The following NKD1 variants were observed in gnomAD, a reference collection of about 807,000 sequenced individuals.
NKD1 encodes the protein protein naked cuticle homolog 1.
Under a neutral mutation model 56.0 loss-of-function variants are expected in NKD1, and 21 were observed. The observed-to-expected ratio is 0.38, with a 90% CI of 0.27 to 0.54. The LOEUF (loss-of-function observed/expected upper bound fraction) is 0.54. NKD1 is among the 20% of genes least tolerant of loss of function. NKD1 has a pLI of 0.82. For missense variants in NKD1, 578 were observed against 642.7 expected, an observed-to-expected ratio of 0.90 and a Z score of 1.09; for synonymous variants, 263 against 265.7, an observed-to-expected ratio of 0.99 and a Z score of 0.10.
intron 3 of NKD1, among the ~76,000 whole-genome samples, chr16:50,596,886 G>A (rs531812610): frequency 4.6e-5 from 7 of 152,334 alleles, no homozygotes; most frequent in Non-Finnish European, 7.3e-5. Context: ...AGAGTCTTCC[G>A]GGTAGAGGGA....
intron 3 of NKD1, among the ~76,000 whole-genome samples, chr16:50,588,325 C>G (rs920693080): frequency 6.6e-6 from 1 of 152,240 alleles, no homozygotes; most frequent in African/African-American, 2.4e-5. Flanking sequence ...GTCACATACC[C>G]TAACAGCAGG....
At chr16:50,564,779 G>T (rs548934503) in intron 3 of NKD1, among the ~76,000 whole-genome samples, 1 of 152,120 alleles carries the variant, frequency 6.6e-6, no homozygotes, top group South Asian at 2.1e-4. Flanking sequence ...CTTCAGAAAG[G>T]GTCCTCACCT....
intron 4 of NKD1, among the ~76,000 whole-genome samples, chr16:50,612,777 T>C (rs1190341399): frequency 6.6e-6 from 1 of 152,046 alleles, no homozygotes; most frequent in African/African-American, 2.4e-5. Flanking sequence ...GCATCAGGAA[T>C]GAGAGTGGGG....
At chr16:50,625,249 G>A (rs1962183016) in intron 5 of NKD1, 1 of 563,436 alleles carries the variant, frequency 1.8e-6, no homozygotes, top group East Asian at 3.0e-5. Flanking sequence ...AAGACCCACA[G>A]ACCACCAGGC....
At position 50,648,594 on chromosome 16, in the gene NKD1, G is replaced by A. The variant is rs1416022692; in HGVS notation, c.*14813G>A. Reference sequence around the variant, plus strand: ...AACACCCTCTGCCCTTGGATTCTGTGCACAGGAAGCTAGTTGCTCCCCTGA... The same window carrying A: ...AACACCCTCTGCCCTTGGATTCTGTACACAGGAAGCTAGTTGCTCCCCTGA... On this transcript the variant is annotated 3_prime_UTR_variant, in exon 10 of 10. Coordinates refer to ENST00000268459, the MANE Select transcript of NKD1 (RefSeq NM_033119.5). 6.6e-6 allele frequency: 1 copy of A among 152,138 alleles called. No homozygotes were observed. Among genetic ancestry groups the A allele is most frequent in the Non-Finnish European group, 1.5e-5 (1 of 68,028 alleles). 9.4% of individuals were successfully genotyped at this position (152,138 alleles called of 1,614,324 possible). A position where few individuals can be genotyped will look rare whatever the true frequency, so the allele number is the denominator to read the frequency against.
At position 50,633,399 on chromosome 16, in the gene NKD1, A is replaced by C. The variant is rs1231129678; in HGVS notation, c.1031A>C (p.His344Pro). 4 of 1,613,680 alleles carry C rather than the reference A, an allele frequency of 2.5e-6. No homozygotes were observed. In the African/African-American group the frequency reaches 4.0e-5, roughly 16 times the overall value. The stretch of plus-strand genomic sequence containing the variant: ...CGGGGCACCCAGGACGGGAGCAAGC[A>C]CTTTGTGAGGTCCCCCAAGGCCCAG... Reference protein sequence around the residue: ...RLRGTQDGSKHFVRSPKAQGK... With the variant: ...RLRGTQDGSKPFVRSPKAQGK... The change falls in exon 10 of 10, where the codon CAC (histidine) becomes CCC (proline). Residue 344 changes from histidine to proline, a missense_variant. Transcript: ENST00000268459. The surrounding 1 kb of genome is among the most constrained non-coding windows in gnomAD (Gnocchi z 4.9).
At chr16:50,564,189 A>G (rs566340499) in intron 3 of NKD1, among the ~76,000 whole-genome samples, 1 of 152,258 alleles carries the variant, frequency 6.6e-6, no homozygotes, top group Non-Finnish European at 1.5e-5. Context: ...AGCCATGGCC[A>G]TGGTGGGGAA....
chr16:50,564,329 G>T (rs574123925), intron 3 of NKD1, among the ~76,000 whole-genome samples: 1 of 152,338 alleles, frequency 6.6e-6, no homozygotes, highest in South Asian at 2.1e-4. Flanking sequence ...CGTCCTCTTG[G>T]CTCTGGGTCT....
rs1446489336 is a variant in NKD1 at position 50,630,222 on chromosome 16, G to A, written c.499G>A (p.Val167Met). ...TSLLHTIYEV[V>M]DSSVNHSPTS... is the part of the protein sequence containing the mutation. ...CTTGCTGCACACCATCTATGAGGTG[G>A]TGGACTCCTCTGTCAACCACTCCCC... Residue 167 changes from valine (V) to methionine (M), a missense_variant, in exon 7 of 10, where the codon GTG becomes ATG. Transcript: ENST00000268459. 2 of 1,614,004 alleles carry A rather than the reference G, an allele frequency of 1.2e-6. No homozygotes were observed. The highest frequency in any genetic ancestry group is 8.5e-7 in the Non-Finnish European group (1 of 1,180,010).
At chr16:50,590,598 C>T (rs927367294) in intron 3 of NKD1, among the ~76,000 whole-genome samples, 1 of 152,140 alleles carries the variant, frequency 6.6e-6, no homozygotes, top group African/African-American at 2.4e-5. Context: ...CCAGCAACTC[C>T]ACAAGGCAGA....
intron 3 of NKD1, among the ~76,000 whole-genome samples, chr16:50,576,363 T>A (rs889287770): frequency 2.1e-4 from 32 of 152,236 alleles, no homozygotes; most frequent in Admixed American, 1.0e-3. Flanking sequence ...GCAAAGAAGA[T>A]GTAACCCCTA....
chr16:50,572,791 C>T, intron 3 of NKD1: 1 of 694,202 alleles, frequency 1.4e-6, no homozygotes, highest in Non-Finnish European at 1.8e-6. Flanking sequence ...CCGACAGAGA[C>T]AGATCCAAAG....
rs928192897 is a variant in NKD1, at chr16:50,548,664, T to G, written c.26-53T>G. ...AACTCTCTCCCTTCCTTTCTTTCCT[T>G]CTCCCGCCGCCGCGGCTGCCGCCGC... On this transcript the variant is annotated intron_variant, in intron 1 of 9. Coordinates refer to ENST00000268459, the MANE Select transcript of NKD1 (RefSeq NM_033119.5). The G allele has an allele frequency of 4.6e-4, 673 of 1,463,310 alleles. 1 individual carries two copies. Among genetic ancestry groups the G allele is most frequent in the Middle Eastern group, 2.5e-3 (12 of 4,846 alleles). 90.6% of individuals were successfully genotyped at this position (1,463,310 alleles called of 1,614,324 possible).
intron 3 of NKD1, among the ~76,000 whole-genome samples, chr16:50,553,036 A>G (rs1162944691): frequency 6.6e-6 from 1 of 152,250 alleles, no homozygotes; most frequent in Admixed American, 6.5e-5. Flanking sequence ...GCGGCAAAGA[A>G]CACCATGTTA....
chr16:50,570,956 C>G, intron 3 of NKD1: 1 of 985,470 alleles, frequency 1.0e-6, no homozygotes, highest in Middle Eastern at 5.2e-4. Context: ...GGCTTCTGCA[C>G]TGAGGGCTGG....
intron 3 of NKD1, among the ~76,000 whole-genome samples, chr16:50,595,099 G>C (rs1961445581): frequency 6.6e-6 from 1 of 152,234 alleles, no homozygotes; most frequent in South Asian, 2.1e-4. Context: ...GCCCTTGGCA[G>C]TCAGGGTGTG....
intron 3 of NKD1, among the ~76,000 whole-genome samples, chr16:50,592,813 G>T (rs1037283291): frequency 2.0e-5 from 3 of 152,104 alleles, no homozygotes; most frequent in East Asian, 3.9e-4. Flanking sequence ...CATGGGCTGT[G>T]GGGGAGGGCT....
intron 3 of NKD1, among the ~76,000 whole-genome samples, chr16:50,599,116 T>G (rs1364979377): frequency 1.3e-5 from 2 of 151,840 alleles, no homozygotes; most frequent in African/African-American, 4.8e-5. Flanking sequence ...CCTTCTGGGG[T>G]GATGAGGCAG....
chr16:50,621,733 C>G (rs767005666), intron 5 of NKD1, 25 bp downstream of exon 5: 1 of 1,569,490 alleles, frequency 6.4e-7, no homozygotes, highest in Non-Finnish European at 8.8e-7. Context: ...GGTGCTGGGT[C>G]CTGAGGAGAT....
Sources: gnomAD v4.1 joint callset for allele counts (sites outside exome capture counted in the v4.1 genomes callset) on GRCh38, gnomAD v4.1.1 for gene constraint, Gnocchi (gnomAD v3.1) non-coding constraint, MANE v1.5 for transcripts, NCBI Gene and HGNC (gene_info 2026-07-23, HGNC 2026-07-21) for gene names.